INPP4B: variants seen among roughly 807,000 people sequenced by gnomAD.
INPP4B encodes the protein inositol polyphosphate 4-phosphatase type II.
In INPP4B, 55 loss-of-function variants were observed where a neutral mutation model predicts 122.5. That is an observed-to-expected ratio of 0.45 (90% CI 0.36 to 0.56). The LOEUF (loss-of-function observed/expected upper bound fraction) is 0.56. Ranked by LOEUF, INPP4B falls within the 20% of genes least tolerant of loss-of-function variation. The pLI is 0.00. For synonymous variants in INPP4B, 403 were observed against 388.7 expected, an observed-to-expected ratio of 1.04 and a Z score of -0.43; for missense variants, 1,000 against 1,097.7, an observed-to-expected ratio of 0.91 and a Z score of 1.26.
chr4:142,501,029 A>G (rs545588330), intron 2 of INPP4B, among the ~76,000 whole-genome samples: 10 of 152,346 alleles, frequency 6.6e-5, no homozygotes, highest in African/African-American at 2.4e-4. Flanking sequence ...CTCATGTTAT[A>G]TATATTTACC....
chr4:142,743,837 C>A (rs1185018485), intron 1 of INPP4B, among the ~76,000 whole-genome samples: 1 of 151,690 alleles, frequency 6.6e-6, no homozygotes, highest in Non-Finnish European at 1.5e-5. Flanking sequence ...AAAATGTATA[C>A]CCTGGGATAC....
At chr4:142,703,123 C>T (rs1481354505) in intron 2 of INPP4B, among the ~76,000 whole-genome samples, 1 of 152,096 alleles carries the variant, frequency 6.6e-6, no homozygotes, top group Non-Finnish European at 1.5e-5. Context: ...AAACTTGGTA[C>T]AGAACCTGTT....
In INPP4B at chr4:142,593,096, C is replaced by T. The variant is rs371160005; in HGVS notation, c.-190-130370G>A. Reference sequence around the variant, plus strand: ...TCCAGCCTGGGTGATACAGTGAGATCCTGTTTTTAAAAAAAAAAAAAAATG... The same window carrying T: ...TCCAGCCTGGGTGATACAGTGAGATTCTGTTTTTAAAAAAAAAAAAAAATG... On this transcript the variant is annotated intron_variant, in intron 2 of 25. Coordinates refer to ENST00000262992, the MANE Select transcript of INPP4B (RefSeq NM_001101669.3). 3.7e-3 allele frequency among the ~76,000 whole-genome samples: 545 copies of T among 147,288 alleles called. 7 individuals are homozygous for T. The highest frequency in any genetic ancestry group is 0.018 in the East Asian group (94 of 5,094).
At chr4:142,746,942 C>G (rs1007771711) in intron 1 of INPP4B, among the ~76,000 whole-genome samples, 1 of 152,094 alleles carries the variant, frequency 6.6e-6, no homozygotes, top group Admixed American at 6.6e-5. Flanking sequence ...TAGGCAATAC[C>G]ATTCAGGATA....
intron 1 of INPP4B, among the ~76,000 whole-genome samples, chr4:142,752,042 G>A (rs969688271): frequency 6.6e-6 from 1 of 151,526 alleles, no homozygotes; most frequent in Non-Finnish European, 1.5e-5. Context: ...TTTTATCTAG[G>A]GGCCTGCCTT....
At chr4:142,272,857 T>G (rs1746528334) in intron 9 of INPP4B, among the ~76,000 whole-genome samples, 1 of 152,020 alleles carries the variant, frequency 6.6e-6, no homozygotes, top group South Asian at 2.1e-4. Context: ...ACTAAACACG[T>G]TTTTCTTCTC....
intron 2 of INPP4B, among the ~76,000 whole-genome samples, chr4:142,677,838 G>T (rs1758041082): frequency 6.6e-6 from 1 of 151,908 alleles, no homozygotes; most frequent in South Asian, 2.1e-4. Context: ...ACTGGGGTCT[G>T]CCAGGGTTTA....
chr4:142,274,204 C>T (rs1747276194), intron 9 of INPP4B, among the ~76,000 whole-genome samples: 1 of 151,888 alleles, frequency 6.6e-6, no homozygotes, highest in South Asian at 2.1e-4. Context: ...TTCATCACAT[C>T]TGCGTAGAAA....
intron 1 of INPP4B, among the ~76,000 whole-genome samples, chr4:142,747,004 A>G (rs1768856562): frequency 6.6e-6 from 1 of 152,188 alleles, no homozygotes; most frequent in African/African-American, 2.4e-5. Context: ...ATGGCAACAA[A>G]AGCCAAAATT....
chr4:142,108,027 T>C (rs1788032665), intron 23 of INPP4B, 66 bp downstream of exon 23: 3 of 834,274 alleles, frequency 3.6e-6, no homozygotes, highest in Non-Finnish European at 6.0e-6. Flanking sequence ...CCTCTATGTC[T>C]GACCTCTTCT....
rs557098982 is a variant in INPP4B, at chr4:142,137,071, C to T, written c.1720+8769G>A. ...TATGGAACCAAAAAAGAGCTCGCAT[C>T]GTCAAGTCAATCCTAAGCCAAAAGA... is the stretch of plus-strand genomic sequence containing the variant. On this transcript the variant is annotated intron_variant, in intron 18 of 25. Coordinates refer to ENST00000262992, the MANE Select transcript of INPP4B (RefSeq NM_001101669.3). Among the ~76,000 whole-genome samples, 16 of 152,246 alleles carry T rather than the reference C, an allele frequency of 1.1e-4. No individual in the cohort carries two copies. The South Asian group carries it at 3.1e-3, about 30-fold the overall frequency.
intron 7 of INPP4B, among the ~76,000 whole-genome samples, chr4:142,377,123 G>GGTTAA (rs58861141): frequency 0.96 from 145,579 of 151,532 alleles, 70,191 homozygotes; most frequent in Middle Eastern, 1. Flanking sequence ...GAGTCTAACT[G>GGTTAA]GTTATTTTTT....
At chr4:142,082,267 A>T in intron 24 of INPP4B, 82 bp from the exon 25 acceptor site, 1 of 1,116,412 alleles carries the variant, frequency 9.0e-7, no homozygotes, top group Non-Finnish European at 1.2e-6. Flanking sequence ...CTTCTAGTCT[A>T]AACACATCAA....
Position 142,146,008 on chromosome 4 carries a change from A to G in INPP4B, c.1564-12T>C, listed in dbSNP as rs199869569. The G allele has an allele frequency of 9.3e-6, 15 of 1,608,276 alleles. No homozygotes were observed. Among genetic ancestry groups the G allele is most frequent in the Middle Eastern group, 3.3e-4 (2 of 6,056 alleles). Reference sequence around the variant, plus strand: ...GCCCACACCCTGTCCTGAAAAAAGCATGAGTATCACTACATATTTTTGTCA... The same window carrying G: ...GCCCACACCCTGTCCTGAAAAAAGCGTGAGTATCACTACATATTTTTGTCA... On this transcript the variant is annotated splice_polypyrimidine_tract_variant and intron_variant, in intron 17 of 25. Coordinates refer to ENST00000262992, the MANE Select transcript of INPP4B (RefSeq NM_001101669.3).
chr4:142,694,545 T>C (rs1462235983), intron 2 of INPP4B, among the ~76,000 whole-genome samples: 2 of 152,198 alleles, frequency 1.3e-5, no homozygotes, highest in Non-Finnish European at 2.9e-5. Context: ...GCAGGTCAGA[T>C]ACTGTCTTTG....
intron 12 of INPP4B, among the ~76,000 whole-genome samples, chr4:142,235,729 T>C (rs529849327): frequency 6.6e-6 from 1 of 152,368 alleles, no homozygotes; most frequent in South Asian, 2.1e-4. Flanking sequence ...CCACCTGACA[T>C]GTCATTATTT....
intron 7 of INPP4B, among the ~76,000 whole-genome samples, chr4:142,342,106 C>T (rs1474931263): frequency 6.6e-6 from 1 of 152,078 alleles, no homozygotes. Context: ...CCTCAGATTC[C>T]TTTTGGGTAA....
At chr4:142,843,856 C>A (rs1198024196) in intron 1 of INPP4B, among the ~76,000 whole-genome samples, 3 of 152,026 alleles carry the variant, frequency 2.0e-5, no homozygotes, top group Non-Finnish European at 4.4e-5. Context: ...CTTTGTTACC[C>A]ATCTGGGGAT....
chr4:142,275,633 T>A (rs1321415492), intron 9 of INPP4B, among the ~76,000 whole-genome samples: 2 of 151,860 alleles, frequency 1.3e-5, no homozygotes, highest in Non-Finnish European at 2.9e-5. Flanking sequence ...GAAGTTAGAT[T>A]TATATTTAAG....
Sources: gnomAD v4.1 joint callset for allele counts (sites outside exome capture counted in the v4.1 genomes callset) on GRCh38, gnomAD v4.1.1 for gene constraint, MANE v1.5 for transcripts, NCBI Gene and HGNC (gene_info 2026-07-23, HGNC 2026-07-21) for gene names.